The following CACNG2 variants were observed in gnomAD, a reference collection of about 807,000 sequenced individuals.
CACNG2 encodes voltage-dependent calcium channel gamma-2 subunit.
A neutral mutation model predicts 25.9 loss-of-function variants in CACNG2; 3 were observed. The ratio of observed to expected loss-of-function variants is 0.12; its 90% confidence interval spans 0.05 to 0.30. CACNG2 has a LOEUF of 0.30. Among genes scored for constraint, CACNG2 ranks in the 10% least tolerant of loss-of-function variants. CACNG2 has a pLI of 1.00. For missense variants in CACNG2, 341 were observed against 432.5 expected (o/e 0.79, Z 1.88); for synonymous variants, 167 against 173.3 (o/e 0.96, Z 0.29).
intron 2 of CACNG2, 85 bp from the exon 3 acceptor site, chr22:36,566,578 G>A (rs1040039774): frequency 1.6e-5 from 23 of 1,438,966 alleles, no homozygotes; most frequent in South Asian, 1.1e-4. Context: ...GAGCAGCCCC[G>A]AGGCGCTGGG....
At chr22:36,625,425 G>A (rs1178165555) in intron 1 of CACNG2, among the ~76,000 whole-genome samples, 1 of 152,104 alleles carries the variant, frequency 6.6e-6, no homozygotes, top group African/African-American at 2.4e-5. Flanking sequence ...TGGAGGGCAG[G>A]GTCCTTCAGG....
At chr22:36,624,669 C>T (rs1007803311) in intron 1 of CACNG2, among the ~76,000 whole-genome samples, 1 of 152,250 alleles carries the variant, frequency 6.6e-6, no homozygotes, top group East Asian at 1.9e-4. Flanking sequence ...TTCAAGGTGG[C>T]TTGAATTATC....
intron 2 of CACNG2, among the ~76,000 whole-genome samples, chr22:36,567,119 C>T (rs980113966): frequency 7.9e-5 from 12 of 152,198 alleles, no homozygotes; most frequent in Non-Finnish European, 1.2e-4. Context: ...AAGTATCTCA[C>T]CTCTGTGTGC....
At chr22:36,596,234 C>G (rs529872494) in intron 1 of CACNG2, among the ~76,000 whole-genome samples, 4 of 152,320 alleles carry the variant, frequency 2.6e-5, no homozygotes, top group African/African-American at 9.6e-5. Context: ...GTGTTTTCAA[C>G]CTTTGCTGCT....
intron 2 of CACNG2, chr22:36,584,743 C>T (rs1186557685): frequency 6.6e-6 from 1 of 152,268 alleles, no homozygotes; most frequent in Non-Finnish European, 1.5e-5. Flanking sequence ...CACACGATTC[C>T]TTCTATTCCA....
chr22:36,692,943 C>A (rs536977425), intron 1 of CACNG2, among the ~76,000 whole-genome samples: 60 of 152,326 alleles, frequency 3.9e-4, no homozygotes, highest in African/African-American at 1.4e-3. Flanking sequence ...GTCAGGAGTC[C>A]AAGACCAGCC....
At chr22:36,602,113 T>G (rs1935761831) in intron 1 of CACNG2, among the ~76,000 whole-genome samples, 1 of 152,196 alleles carries the variant, frequency 6.6e-6, no homozygotes, top group South Asian at 2.1e-4. Context: ...GCCATTTTAA[T>G]GTCATCTTTG....
At chr22:36,685,563 G>C (rs950093920) in intron 1 of CACNG2, among the ~76,000 whole-genome samples, 1 of 152,128 alleles carries the variant, frequency 6.6e-6, no homozygotes, top group Non-Finnish European at 1.5e-5. Flanking sequence ...TGGTAACCCT[G>C]GTGTCAGGCA....
At chr22:36,566,826 G>A (rs761070879) in intron 2 of CACNG2, among the ~76,000 whole-genome samples, 15 of 152,164 alleles carry the variant, frequency 9.9e-5, no homozygotes, top group Non-Finnish European at 2.1e-4. Context: ...AACTTCCCAC[G>A]ACATGTCATT....
chr22:36,605,192 A>T (rs1228051469), intron 1 of CACNG2, among the ~76,000 whole-genome samples: 4 of 152,120 alleles, frequency 2.6e-5, no homozygotes, highest in Non-Finnish European at 5.9e-5. Context: ...CTCCTGCCTC[A>T]GCCTCCTGAG....
At chr22:36,620,708 C>T (rs191454498) in intron 1 of CACNG2, among the ~76,000 whole-genome samples, 192 of 152,328 alleles carry the variant, frequency 1.3e-3, no homozygotes, top group African/African-American at 4.5e-3. Flanking sequence ...ATGGAGCTCA[C>T]GTCAGACACA....
At chr22:36,635,139 C>T (rs1936334292) in intron 1 of CACNG2, among the ~76,000 whole-genome samples, 1 of 151,994 alleles carries the variant, frequency 6.6e-6, no homozygotes, top group Non-Finnish European at 1.5e-5. Flanking sequence ...AAAAAATTAG[C>T]CAGGTGTGGT....
At chr22:36,684,946 G>C (rs1937176511) in intron 1 of CACNG2, among the ~76,000 whole-genome samples, 1 of 152,176 alleles carries the variant, frequency 6.6e-6, no homozygotes. Context: ...GAAGAAAGTA[G>C]GGCAGGAAGT....
At chr22:36,612,635 G>A (rs1002665678) in intron 1 of CACNG2, among the ~76,000 whole-genome samples, 2 of 152,142 alleles carry the variant, frequency 1.3e-5, no homozygotes, top group African/African-American at 2.4e-5. Flanking sequence ...GCCAGCATCC[G>A]CCTGGTTATT....
chr22:36,578,357 CAA>C (rs3076266), intron 2 of CACNG2, among the ~76,000 whole-genome samples: 4 of 130,058 alleles, frequency 3.1e-5, no homozygotes, highest in East Asian at 2.3e-4. Context: ...GACTCAATCT[CAA>C]AAAAAAAAAA....
At chr22:36,603,950 C>T (rs1387046057) in intron 1 of CACNG2, among the ~76,000 whole-genome samples, 1 of 152,136 alleles carries the variant, frequency 6.6e-6, no homozygotes, top group African/African-American at 2.4e-5. Flanking sequence ...TTAAGAAATA[C>T]ATTTCATAAG....
intron 2 of CACNG2, among the ~76,000 whole-genome samples, chr22:36,577,690 T>A (rs1196720868): frequency 6.1e-5 from 9 of 148,164 alleles, no homozygotes; most frequent in African/African-American, 2.2e-4. Context: ...TAGGACAGAA[T>A]AGAAACTGCC....
chr22:36,646,620 A>G (rs1936528041), intron 1 of CACNG2, among the ~76,000 whole-genome samples: 1 of 151,880 alleles, frequency 6.6e-6, no homozygotes, highest in Non-Finnish European at 1.5e-5. Flanking sequence ...AATAACAGCC[A>G]TTTTCTTATT....
At chr22:36,601,677 G>T (rs549132582) in intron 1 of CACNG2, among the ~76,000 whole-genome samples, 1 of 152,216 alleles carries the variant, frequency 6.6e-6, no homozygotes, top group Admixed American at 6.5e-5. Context: ...TAGAGAGAGG[G>T]TTTCGCCATG....
Sources: gnomAD v4.1 joint callset for allele counts (sites outside exome capture counted in the v4.1 genomes callset) on GRCh38, gnomAD v4.1.1 for gene constraint, MANE v1.5 for transcripts, NCBI Gene and HGNC (gene_info 2026-07-23, HGNC 2026-07-21) for gene names.